The following CCSER1 variants were observed in gnomAD, a reference collection of about 807,000 sequenced individuals.
CCSER1 encodes coiled-coil serine rich protein 1.
Under a neutral mutation model 82.0 loss-of-function variants are expected in CCSER1, and 41 were observed. That is an observed-to-expected ratio of 0.50 (90% CI 0.39 to 0.65). The LOEUF (loss-of-function observed/expected upper bound fraction) is 0.65. Ranked by LOEUF, CCSER1 falls within the 30% of genes least tolerant of loss-of-function variation. The probability of loss-of-function intolerance (pLI) is 0.00; values close to 1 mark genes in which losing one functional copy is unlikely to be tolerated. For missense variants in CCSER1, 1,119 were observed against 1,064.2 expected, an observed-to-expected ratio of 1.05 and a Z score of -0.72; for synonymous variants, 414 against 383.9, an observed-to-expected ratio of 1.08 and a Z score of -0.92.
intron 1 of CCSER1, among the ~76,000 whole-genome samples, chr4:90,151,566 A>G (rs1317215559): frequency 6.6e-6 from 1 of 152,108 alleles, no homozygotes; most frequent in Non-Finnish European, 1.5e-5. Context: ...ATGCTTTTAA[A>G]TCTTAAAAAT....
intron 9 of CCSER1, among the ~76,000 whole-genome samples, chr4:91,031,290 T>C (rs992504746): frequency 6.6e-6 from 1 of 152,164 alleles, no homozygotes; most frequent in African/African-American, 2.4e-5. Context: ...TAAAGTCTTC[T>C]TCTGATACAA....
At chr4:91,139,414 T>C (rs1028915809) in intron 10 of CCSER1, among the ~76,000 whole-genome samples, 1 of 152,150 alleles carries the variant, frequency 6.6e-6, no homozygotes, top group Non-Finnish European at 1.5e-5. Flanking sequence ...CTCATTTTTC[T>C]CAATTTATAA....
At chr4:91,140,920 G>GA (rs1728962807) in intron 10 of CCSER1, among the ~76,000 whole-genome samples, 1 of 152,048 alleles carries the variant, frequency 6.6e-6, no homozygotes, top group African/African-American at 2.4e-5. Flanking sequence ...CAAGTAGTGA[G>GA]AAGAGCATCC....
chr4:91,564,519 T>C (rs1033796520), intron 10 of CCSER1, among the ~76,000 whole-genome samples: 1 of 152,008 alleles, frequency 6.6e-6, no homozygotes, highest in African/African-American at 2.4e-5. Context: ...CAACAGTGTA[T>C]AAGGGTTCCT....
At chr4:90,356,089 A>G (rs930332185) in intron 3 of CCSER1, among the ~76,000 whole-genome samples, 4 of 151,726 alleles carry the variant, frequency 2.6e-5, no homozygotes, top group Admixed American at 6.6e-5. Context: ...ATTAACAAGA[A>G]CTCTTCTGTA....
At chr4:90,444,233 T>A (rs1760304989) in intron 4 of CCSER1, among the ~76,000 whole-genome samples, 1 of 152,066 alleles carries the variant, frequency 6.6e-6, no homozygotes, top group African/African-American at 2.4e-5. Flanking sequence ...GATCAATCCA[T>A]AACACGATAT....
At chr4:91,045,650 A>G (rs1581414680) in intron 9 of CCSER1, among the ~76,000 whole-genome samples, 1 of 152,214 alleles carries the variant, frequency 6.6e-6, no homozygotes, top group African/African-American at 2.4e-5. Context: ...AGTATCTACA[A>G]TTATAATGAG....
chr4:90,803,108 T>C (rs1183205704), intron 7 of CCSER1, among the ~76,000 whole-genome samples: 1 of 152,210 alleles, frequency 6.6e-6, no homozygotes, highest in African/African-American at 2.4e-5. Flanking sequence ...TTGATGTGTT[T>C]GAGAAGCCAA....
intron 7 of CCSER1, among the ~76,000 whole-genome samples, chr4:90,765,905 G>T (rs1413021646): frequency 6.6e-6 from 1 of 152,178 alleles, no homozygotes; most frequent in Non-Finnish European, 1.5e-5. Context: ...TGAGCAGAAA[G>T]ATGGATATAT....
At chr4:91,525,045 A>G (rs1760702634) in intron 10 of CCSER1, among the ~76,000 whole-genome samples, 1 of 152,130 alleles carries the variant, frequency 6.6e-6, no homozygotes. Context: ...AGGAATGGGG[A>G]ATTTTAAAAA....
chr4:91,554,153 C>T (rs1407671946), intron 10 of CCSER1, among the ~76,000 whole-genome samples: 3 of 148,304 alleles, frequency 2.0e-5, no homozygotes, highest in African/African-American at 7.6e-5. Context: ...TGTTTATTCA[C>T]AGGCATGTTG....
At chr4:90,805,133 A>C (rs1162888128) in intron 7 of CCSER1, among the ~76,000 whole-genome samples, 1 of 152,202 alleles carries the variant, frequency 6.6e-6, no homozygotes, top group Non-Finnish European at 1.5e-5. Context: ...TTATTTCAAA[A>C]TTTAGTGGCT....
chr4:90,536,029 CT>C, intron 5 of CCSER1, among the ~76,000 whole-genome samples: 1 of 129,026 alleles, frequency 7.8e-6, no homozygotes, highest in South Asian at 2.7e-4. Context: ...TTCTTTCTTT[CT>C]GTTTTTTTTT....
At chr4:91,262,021 C>T (rs977491337) in intron 10 of CCSER1, among the ~76,000 whole-genome samples, 1 of 151,566 alleles carries the variant, frequency 6.6e-6, no homozygotes, top group Non-Finnish European at 1.5e-5. Context: ...GCTTCAATTT[C>T]CTGAATTATA....
At chr4:91,078,948 C>A (rs187522281) in intron 9 of CCSER1, among the ~76,000 whole-genome samples, 1 of 152,278 alleles carries the variant, frequency 6.6e-6, no homozygotes, top group African/African-American at 2.4e-5. Flanking sequence ...AAATCTACAT[C>A]TGATTGATGT....
At chr4:91,045,402 T>G (rs1460165477) in intron 9 of CCSER1, among the ~76,000 whole-genome samples, 1 of 152,188 alleles carries the variant, frequency 6.6e-6, no homozygotes, top group African/African-American at 2.4e-5. Flanking sequence ...TTTGTAGATT[T>G]TATGCATTTT....
chr4:91,366,714 A>T, intron 10 of CCSER1, among the ~76,000 whole-genome samples: 1 of 152,298 alleles, frequency 6.6e-6, no homozygotes, highest in East Asian at 1.9e-4. Flanking sequence ...AATCTTATTG[A>T]ACTTGCATTT....
chr4:91,431,430 G>A (rs1754304280), intron 10 of CCSER1, among the ~76,000 whole-genome samples: 1 of 152,122 alleles, frequency 6.6e-6, no homozygotes, highest in Admixed American at 6.5e-5. Flanking sequence ...TCTAAAGAGA[G>A]TGTTTTCACA....
chr4:90,604,345 G>C (rs528314515), intron 5 of CCSER1, among the ~76,000 whole-genome samples: 4 of 151,976 alleles, frequency 2.6e-5, no homozygotes, highest in Non-Finnish European at 5.9e-5. Context: ...AGAGAATACA[G>C]ACTCTGGAGA....
Sources: allele counts gnomAD v4.1 joint callset (sites outside exome capture counted in the v4.1 genomes callset), GRCh38; gene constraint gnomAD v4.1.1; transcripts MANE v1.5; gene names NCBI Gene and HGNC (gene_info 2026-07-23, HGNC 2026-07-21).